ANKRD31: variants seen among roughly 807,000 people sequenced by gnomAD.
The protein encoded by ANKRD31 is ankyrin repeat domain-containing protein 31.
ANKRD31 carries 147 observed loss-of-function variants against 186.0 expected under a neutral mutation model. The observed-to-expected ratio is 0.79, with a 90% confidence interval of 0.69 to 0.91. The LOEUF is 0.91. ANKRD31 is among the 40% of genes least tolerant of loss of function. The pLI is 0.00. For missense variants in ANKRD31, 1,986 were observed against 2,148.8 expected (o/e 0.92, Z 1.50); for synonymous variants, 673 against 736.4 (o/e 0.91, Z 1.39).
intron 10 of ANKRD31, among the ~76,000 whole-genome samples, chr5:75,187,399 A>G (rs182739241): frequency 5.3e-5 from 8 of 152,176 alleles, no homozygotes. Flanking sequence ...GAAAAGGTAT[A>G]TATTAACTGG....
chr5:75,108,034 G>C (rs1380796080), intron 20 of ANKRD31, among the ~76,000 whole-genome samples: 1 of 151,824 alleles, frequency 6.6e-6, no homozygotes, highest in Non-Finnish European at 1.5e-5. Flanking sequence ...TATTTACATA[G>C]ATGAAAAGTA....
Position 75,236,815 on chromosome 5 carries a change from G to C in ANKRD31, c.-129C>G. The stretch of plus-strand genomic sequence containing the variant: ...AAATAATATAATCGCAGCAGGAGCC[G>C]GGACTTGTCGCAGGGCTGCTGAGGA... On this transcript the variant is annotated 5_prime_UTR_variant, in exon 1 of 26. Transcript: ENST00000506364. The C allele has an allele frequency of 1.2e-6, 1 of 807,676 alleles. No individual in the cohort carries two copies. The highest frequency in any genetic ancestry group is 1.9e-5 in the South Asian group (1 of 53,138). 50.0% of individuals were successfully genotyped at this position (807,676 alleles called of 1,614,324 possible). A position where few individuals can be genotyped will look rare whatever the true frequency, so the allele number is the denominator to read the frequency against.
Position 75,208,069 on chromosome 5 carries a change from GA to G in ANKRD31, c.327-1583del, listed in dbSNP as rs567533565. ...TATGAAAAATTATCTTTTCCAAAAT[GA>G]AAAAAATTAGCGAGAGAAGTTGCAA... On this transcript the variant is annotated intron_variant, in intron 4 of 25. Transcript: ENST00000506364. Among the ~76,000 whole-genome samples, 49 of 151,998 alleles carry G rather than the reference GA, an allele frequency of 3.2e-4. No individual in the cohort carries two copies. In the South Asian group the frequency reaches 0.01, roughly 32 times the overall value.
intron 17 of ANKRD31, among the ~76,000 whole-genome samples, chr5:75,132,352 C>T (rs183661060): frequency 2.6e-5 from 4 of 152,160 alleles, no homozygotes; most frequent in East Asian, 3.9e-4. Flanking sequence ...AACCATGGCA[C>T]GAGAATTATG....
chr5:75,157,461 C>T (rs971642355), intron 11 of ANKRD31, among the ~76,000 whole-genome samples: 4 of 152,048 alleles, frequency 2.6e-5, no homozygotes, highest in African/African-American at 9.7e-5. Context: ...CAAAAAGGAA[C>T]CAGAACTTGA....
intron 3 of ANKRD31, among the ~76,000 whole-genome samples, chr5:75,213,459 G>A (rs954185931): frequency 6.6e-6 from 1 of 152,116 alleles, no homozygotes; most frequent in Non-Finnish European, 1.5e-5. Flanking sequence ...GGTTGCTCCT[G>A]ACAGCTGATT....
Position 75,196,076 on chromosome 5 carries a change from G to A in ANKRD31, c.572C>T (p.Pro191Leu), listed in dbSNP as rs1318019559. Reference protein sequence around the residue: ...LVEPEKILAAPNTFFEPRKEV... With the variant: ...LVEPEKILAALNTFFEPRKEV... ...CTTTCTAGGCTCAAAAAATGTATTT[G>A]GTGCTGCTAAAATCTTCTCTGGCTC... The change falls in exon 7 of 26, where the codon CCA becomes CTA. Residue 191 changes from proline (P) to leucine (L), a missense_variant. By Grantham distance (98) the Pro-to-Leu change is moderately conservative (BLOSUM62 -3). Transcript: ENST00000506364. The A allele has an allele frequency of 6.5e-7, 1 of 1,536,684 alleles. No individual in the cohort carries two copies. The highest frequency in any genetic ancestry group is 8.7e-7 in the Non-Finnish European group (1 of 1,146,700).
Position 75,193,360 on chromosome 5 carries a change from G to A in ANKRD31, c.1249C>T (p.Leu417Phe). 1 of 1,536,784 alleles carries A rather than the reference G, an allele frequency of 6.5e-7. No homozygotes were observed. The highest frequency in any genetic ancestry group is 1.2e-5 in the South Asian group (1 of 84,046). The change falls in exon 8 of 26, where the codon CTT becomes TTT. Residue 417 changes from leucine (L) to phenylalanine (F), a missense_variant. By Grantham distance (22) the Leu-to-Phe change is conservative. Transcript: ENST00000506364. ...KMPEKILPKI[L>F]GCEDLTNNNS... Reference sequence around the variant, plus strand: ...TTATTTGTTAGGTCCTCACAGCCAAGGATTTTTGGTAAAATCTTTTCTGGC... The same window carrying A: ...TTATTTGTTAGGTCCTCACAGCCAAAGATTTTTGGTAAAATCTTTTCTGGC...
intron 24 of ANKRD31, among the ~76,000 whole-genome samples, chr5:75,083,616 G>C (rs1169121054): frequency 6.6e-6 from 1 of 152,074 alleles, no homozygotes; most frequent in Non-Finnish European, 1.5e-5. Flanking sequence ...TGTAATCCCA[G>C]CTACTCGGGA....
intron 18 of ANKRD31, among the ~76,000 whole-genome samples, chr5:75,117,332 C>A (rs1748379581): frequency 6.6e-6 from 1 of 152,116 alleles, no homozygotes; most frequent in African/African-American, 2.4e-5. Flanking sequence ...ATGGCTGGGC[C>A]TCTAAGAAAG....
rs1488356848 is a variant in ANKRD31 at position 75,083,871 on chromosome 5, T to G, written c.5575+401A>C. ...TGGATACATGCTATGATGTAGATGATCCTCAAAAACATTATACTAAGTGAA... is the reference window on the plus strand; with the variant it reads ...TGGATACATGCTATGATGTAGATGAGCCTCAAAAACATTATACTAAGTGAA... On this transcript the variant is annotated intron_variant, in intron 24 of 25. Transcript: ENST00000506364. 4.6e-5 allele frequency among the ~76,000 whole-genome samples: 7 copies of G among 152,292 alleles called. No homozygotes were observed. In the East Asian group the frequency reaches 9.6e-4, roughly 21 times the overall value.
chr5:75,105,150 T>C lies in ANKRD31; in HGVS notation c.4409A>G (p.Lys1470Arg), dbSNP rs1321808067. Residue 1470 changes from lysine (K) to arginine (R), a missense_variant, in exon 22 of 26, where the codon AAG (lysine) becomes AGG (arginine). Transcript: ENST00000506364. ...EQLANLAARQ[K>R]SLLVVAKKQK... ...TTTTTTTGCCACAACTAAAAGGCTC[T>C]TCTGTCTTGCAGCCAAGTTGGCCAA... The C allele has an allele frequency of 2.6e-6, 4 of 1,536,714 alleles. No homozygotes were observed. In the African/African-American group the frequency reaches 5.5e-5, roughly 21 times the overall value.
At chr5:75,173,690 T>C (rs934127591) in intron 10 of ANKRD31, among the ~76,000 whole-genome samples, 1 of 152,116 alleles carries the variant, frequency 6.6e-6, no homozygotes, top group African/African-American at 2.4e-5. Flanking sequence ...GTGAAGGACC[T>C]CTTCAAGGAG....
At position 75,068,644 on chromosome 5, in the gene ANKRD31, G is replaced by T; in HGVS notation, c.5668C>A (p.Gln1890Lys). 1 of 1,509,274 alleles carries T rather than the reference G, an allele frequency of 6.6e-7. No homozygotes were observed. Among genetic ancestry groups the T allele is most frequent in the East Asian group, 2.5e-5 (1 of 40,070 alleles). The allele number at this position is 1,509,274 out of a possible 1,614,324, so 93.5% of individuals were successfully genotyped here. ...ATTTGTAGATAACGTGGGCTGCTTT[G>T]CATTGACTCTCTGGAAGTTCCTGTT... ...FGQGTSRESMQSSPRYLQINE... is the reference protein window; with the variant it reads ...FGQGTSRESMKSSPRYLQINE... The change falls in exon 26 of 26, where the codon CAA becomes AAA. Residue 1890 changes from glutamine to lysine, a missense_variant. Coordinates refer to ENST00000506364, the MANE Select transcript of ANKRD31 (RefSeq NM_001372053.1).
chr5:75,182,539 TA>T (rs1754393636), intron 10 of ANKRD31, among the ~76,000 whole-genome samples: 1 of 151,822 alleles, frequency 6.6e-6, no homozygotes, highest in Non-Finnish European at 1.5e-5. Context: ...GCCAACATGG[TA>T]AAACCCCATC....
At chr5:75,178,587 A>C (rs922641082) in intron 10 of ANKRD31, among the ~76,000 whole-genome samples, 1 of 152,162 alleles carries the variant, frequency 6.6e-6, no homozygotes, top group African/African-American at 2.4e-5. Flanking sequence ...AACTCACTCA[A>C]AACTGCTCGA....
intron 6 of ANKRD31, 22 bp from the exon 7 acceptor site, chr5:75,196,222 T>C: frequency 7.1e-7 from 1 of 1,416,700 alleles, no homozygotes; most frequent in Non-Finnish European, 9.2e-7. Flanking sequence ...AAATAGAAAT[T>C]ACATCATTAC....
intron 19 of ANKRD31, 66 bp downstream of exon 19, chr5:75,116,500 T>C (rs562498025): frequency 8.2e-6 from 8 of 979,632 alleles, no homozygotes; most frequent in Non-Finnish European, 1.1e-5. Flanking sequence ...AGCCAATAAC[T>C]AACTGGCTGG....
chr5:75,234,831 TGG>T (rs1491462915), intron 1 of ANKRD31, among the ~76,000 whole-genome samples: 12 of 128,500 alleles, frequency 9.3e-5, no homozygotes, highest in South Asian at 2.5e-4. Flanking sequence ...TAATACTTTT[TGG>T]TTTTTTTTTA....
Sources: gnomAD v4.1 joint callset for allele counts (sites outside exome capture counted in the v4.1 genomes callset) on GRCh38, gnomAD v4.1.1 for gene constraint, MANE v1.5 for transcripts, NCBI Gene and HGNC (gene_info 2026-07-23, HGNC 2026-07-21) for gene names.